GPI: variants seen among roughly 807,000 people sequenced by gnomAD.
The protein encoded by GPI is glucose-6-phosphate isomerase, also known as D-hexose-6-phosphate anomerase.
Under a neutral mutation model 75.8 loss-of-function variants are expected in GPI, and 56 were observed. The ratio of observed to expected loss-of-function variants is 0.74; its 90% CI spans 0.60 to 0.92. The LOEUF is 0.92. Ranked by LOEUF, GPI falls within the 40% of genes least tolerant of loss-of-function variation. GPI has a pLI of 0.00. For missense variants in GPI, 638 were observed against 741.0 expected, an observed-to-expected ratio of 0.86 and a Z score of 1.61; for synonymous variants, 288 against 285.4, an observed-to-expected ratio of 1.01 and a Z score of -0.09.
intron 9 of GPI, among the ~76,000 whole-genome samples, chr19:34,385,628 T>C (rs2377572): frequency 0.099 from 15,042 of 152,146 alleles, 1,173 homozygotes; most frequent in African/African-American, 0.21. Flanking sequence ...TCATGAGACC[T>C]AAAAAGTCAT....
chr19:34,365,178 C>G (rs2074337020), upstream of GPI: 2 of 1,284,300 alleles, frequency 1.6e-6, no homozygotes, highest in African/African-American at 1.5e-5. Context: ...TAAAGGCCGC[C>G]GCGCGCCCAC....
rs930452177 is a variant in GPI at position 34,368,698 on chromosome 19, G to A, written c.398G>A (p.Cys133Tyr). ...NKVLDKMKSF[C>Y]QRVRSGDWKG... is the part of the protein sequence containing the mutation. ...GTTCTGGACAAGATGAAGTCTTTCT[G>A]CCAGGTAAGTGGCTACTGGGCCGGA... The change falls in exon 4 of 18, where the codon TGC (cysteine) becomes TAC (tyrosine). Residue 133 changes from cysteine to tyrosine, a missense_variant. By Grantham distance (194) the Cys-to-Tyr change is radical. Transcript: ENST00000356487. 1.2e-6 allele frequency: 2 copies of A among 1,614,218 alleles called. No individual in the cohort carries two copies.
intron 9 of GPI, chr19:34,392,982 T>C (rs1306450844): frequency 1.9e-6 from 1 of 517,930 alleles, no homozygotes; most frequent in African/African-American, 1.9e-5. Flanking sequence ...GGTCTGCTGG[T>C]GTCTGCAGAG....
At chr19:34,382,201 T>C (rs1210386465) in intron 9 of GPI, among the ~76,000 whole-genome samples, 1 of 152,180 alleles carries the variant, frequency 6.6e-6, no homozygotes, top group African/African-American at 2.4e-5. Flanking sequence ...CTGTGAATGC[T>C]GTGGGCATGG....
intron 14 of GPI, among the ~76,000 whole-genome samples, chr19:34,397,002 G>A (rs1428475214): frequency 6.6e-6 from 1 of 152,118 alleles, no homozygotes; most frequent in Non-Finnish European, 1.5e-5. Flanking sequence ...GTAAAGGGGG[G>A]GTTTCACTAT....
upstream of GPI, among the ~76,000 whole-genome samples, chr19:34,362,572 C>A (rs979229606): frequency 2.6e-5 from 4 of 152,086 alleles, no homozygotes; most frequent in Admixed American, 6.5e-5. Context: ...AAGGTGAACA[C>A]CCGTAACATC....
At chr19:34,384,978 G>A (rs2074711302) in intron 9 of GPI, among the ~76,000 whole-genome samples, 1 of 151,084 alleles carries the variant, frequency 6.6e-6, no homozygotes, top group Non-Finnish European at 1.5e-5. Flanking sequence ...GGGAGGCAGA[G>A]TGAGCCAAGA....
chr19:34,367,482 A>G (rs1041659794), intron 3 of GPI, among the ~76,000 whole-genome samples: 6 of 152,218 alleles, frequency 3.9e-5, no homozygotes, highest in African/African-American at 1.4e-4. Context: ...AGAGGATGCA[A>G]TCAAGGAAGG....
At chr19:34,369,655 T>TG (rs1182129445) in intron 4 of GPI, among the ~76,000 whole-genome samples, 21 of 151,086 alleles carry the variant, frequency 1.4e-4, no homozygotes, top group Non-Finnish European at 1.6e-4. Flanking sequence ...TGCAGTGAGC[T>TG]GCGATTGCGC....
chr19:34,395,930 C>CTT lies in GPI; in HGVS notation c.1063-357_1063-356dup, dbSNP rs397974365. On this transcript the variant is annotated intron_variant, in intron 12 of 17. Transcript: ENST00000356487. The stretch of plus-strand genomic sequence containing the variant: ...TTTTTCTTTCTTTTCCTTTCTTTTC[C>CTT]TTTTTTTTTTTTTTTCTTTTTTTTT... Among the ~76,000 whole-genome samples the CTT allele has an allele frequency of 3.4e-4, 47 of 138,722 alleles. 1 individual carries two copies. The highest frequency in any genetic ancestry group is 6.6e-4 in the African/African-American group (25 of 37,770). 91.0% of individuals were successfully genotyped at this position (138,722 alleles called of 152,430 possible).
chr19:34,375,662 C>G (rs2074524161), intron 4 of GPI, among the ~76,000 whole-genome samples: 2 of 152,158 alleles, frequency 1.3e-5, no homozygotes, highest in South Asian at 4.1e-4. Context: ...TGGAAAAAGG[C>G]CTTAGTTCGC....
rs1343225426 is a variant in GPI at position 34,399,312 on chromosome 19, C to G, written c.1375C>G (p.Leu459Val). ...GGCTGCGGGCAAGAGTCCAGAGGAC[C>G]TTGAGAGGCTGCTGCCACATAAGGT... ...LQAAGKSPED[L>V]ERLLPHKVFE... Residue 459 changes from leucine to valine, a missense_variant, in exon 15 of 18, where the codon CTT (leucine) becomes GTT (valine). By Grantham distance (32) the Leu-to-Val change is conservative. Coordinates refer to ENST00000356487, the MANE Select transcript of GPI (RefSeq NM_000175.5). The G allele has an allele frequency of 1.2e-6, 2 of 1,614,130 alleles. No individual in the cohort carries two copies. The highest frequency in any genetic ancestry group is 1.7e-6 in the Non-Finnish European group (2 of 1,180,030).
Position 34,368,219 on chromosome 19 carries a change from C to T in GPI, c.283-364C>T, listed in dbSNP as rs546020070. 2.0e-5 allele frequency among the ~76,000 whole-genome samples: 3 copies of T among 152,380 alleles called. No individual in the cohort carries two copies. The East Asian group carries it at 5.8e-4, about 29-fold the overall frequency. The stretch of plus-strand genomic sequence containing the variant: ...TACAGGCGTGAGCCATGGCGCCCGG[C>T]CTCTGAAAGCATTTATTGCTTGTTT... On this transcript the variant is annotated intron_variant, in intron 3 of 17. Coordinates refer to ENST00000356487, the MANE Select transcript of GPI (RefSeq NM_000175.5).
rs751224281 is a variant in GPI, at chr19:34,393,763, C to T, written c.901C>T (p.His301Tyr). 1.1e-5 allele frequency: 17 copies of T among 1,613,066 alleles called. No individual in the cohort carries two copies. Among genetic ancestry groups the T allele is most frequent in the East Asian group, 8.9e-5 (4 of 44,878 alleles). ...DNFEQLLSGA[H>Y]WMDQHFRTTP... is the part of the protein sequence containing the mutation. The stretch of plus-strand genomic sequence containing the variant: ...CTTCGAGCAGCTGCTCTCGGGGGCT[C>T]ACTGGATGGTGAGTGCTGAGGCTGG... The change falls in exon 11 of 18, where the codon CAC (histidine) becomes TAC (tyrosine). Residue 301 changes from histidine (H) to tyrosine (Y), a missense_variant. Physicochemically the swap from His to Tyr is moderately conservative, Grantham distance 83 (BLOSUM62 2). Transcript: ENST00000356487. This position sits in a 1 kb window ranked among gnomAD's most constrained non-coding sequence, Gnocchi z 4.4.
chr19:34,388,345 C>T (rs929936054), intron 9 of GPI, among the ~76,000 whole-genome samples: 1 of 152,158 alleles, frequency 6.6e-6, no homozygotes, highest in African/African-American at 2.4e-5. Context: ...CATGGTGGCA[C>T]ATGTCTGTAA....
Position 34,393,717 on chromosome 19 carries a change from T to C in GPI, c.866-11T>C, listed in dbSNP as rs909486275. The C allele has an allele frequency of 6.2e-7, 1 of 1,613,374 alleles. No homozygotes were observed. Among genetic ancestry groups the C allele is most frequent in the African/African-American group, 1.3e-5 (1 of 74,884 alleles). On this transcript the variant is annotated splice_polypyrimidine_tract_variant and intron_variant, in intron 10 of 17. Transcript: ENST00000356487. The surrounding 1 kb of genome is among the most constrained non-coding windows in gnomAD (Gnocchi z 4.4). ...GTGGCCACTTCTGTTGACTCTGCTTTTGTGTCACAGGTTTTGACAACTTCG... is the reference window on the plus strand; with the variant it reads ...GTGGCCACTTCTGTTGACTCTGCTTCTGTGTCACAGGTTTTGACAACTTCG...
chr19:34,377,301 CAAAAAAAAAAAAAAA>C (rs1169701523), intron 4 of GPI, among the ~76,000 whole-genome samples, 187 bp from the exon 5 acceptor site: 12 of 15,460 alleles, frequency 7.8e-4, no homozygotes, highest in Admixed American at 5.9e-3. Flanking sequence ...GGCTTCATCT[CAAAAAAAAAAAAAAA>C]AAAAAAAAAA....
intron 3 of GPI, 23 bp downstream of exon 3, chr19:34,366,874 C>G: frequency 6.7e-7 from 1 of 1,503,068 alleles, no homozygotes; most frequent in Non-Finnish European, 9.3e-7. Flanking sequence ...CACATACCCT[C>G]TGGGGCCTCC....
In GPI at chr19:34,395,859, G is replaced by A. The variant is rs745445046; in HGVS notation, c.1063-442G>A. ...TGGTGCAGGAAGGAGCAGGATTTGCGTACAGTGTGTGAAGGATCAAGACTT... is the reference window on the plus strand; with the variant it reads ...TGGTGCAGGAAGGAGCAGGATTTGCATACAGTGTGTGAAGGATCAAGACTT... On this transcript the variant is annotated intron_variant, in intron 12 of 17. Coordinates refer to ENST00000356487, the MANE Select transcript of GPI (RefSeq NM_000175.5). Among the ~76,000 whole-genome samples, 54 of 151,976 alleles carry A rather than the reference G, an allele frequency of 3.6e-4. 1 individual carries two copies. The highest frequency in any genetic ancestry group is 6.8e-4 in the Non-Finnish European group (46 of 67,988).
Sources: allele counts gnomAD v4.1 joint callset (sites outside exome capture counted in the v4.1 genomes callset), GRCh38; gene constraint gnomAD v4.1.1; non-coding constraint Gnocchi (gnomAD v3.1); transcripts MANE v1.5; gene names NCBI Gene and HGNC (gene_info 2026-07-23, HGNC 2026-07-21).